The following SGCG variants were observed in gnomAD, a reference collection of about 807,000 sequenced individuals.
SGCG encodes the protein gamma-sarcoglycan.
Under a neutral mutation model 29.3 loss-of-function variants are expected in SGCG, and 26 were observed. That is an observed-to-expected ratio of 0.89 (90% confidence interval 0.65 to 1.23). SGCG has a LOEUF of 1.23. Among genes scored for constraint, SGCG ranks in the 50% most tolerant of loss-of-function variants. The pLI, the probability that SGCG is intolerant of heterozygous loss-of-function variation, is 0.00. For missense variants in SGCG, 353 were observed against 356.0 expected, an observed-to-expected ratio of 0.99 and a Z score of 0.07; for synonymous variants, 145 against 129.7, an observed-to-expected ratio of 1.12 and a Z score of -0.80.
intron 7 of SGCG, among the ~76,000 whole-genome samples, chr13:23,321,996 G>A (rs1566048632): frequency 6.6e-6 from 1 of 152,114 alleles, no homozygotes; most frequent in Non-Finnish European, 1.5e-5. Flanking sequence ...GAAAACCAAG[G>A]ATTTGGTTTA....
At chr13:23,189,825 T>C (rs1466264478) in intron 1 of SGCG, among the ~76,000 whole-genome samples, 1 of 152,100 alleles carries the variant, frequency 6.6e-6, no homozygotes, top group Non-Finnish European at 1.5e-5. Flanking sequence ...ATTAGAGAAA[T>C]AGGTTAAAGC....
chr13:23,295,422 AG>A lies in SGCG; in HGVS notation c.517del (p.Ala173LeufsTer22). ...TCTTTGTTTTTTGTTTAGGGCCTGA[AG>A]GGGCTCTTTTTGAACATTCAGTGGA... The part of the protein sequence containing the change: ...TDKLRVTGPE[G>X]ALFEHSVETP... On this transcript the variant is annotated frameshift_variant, in exon 6 of 8. Coordinates refer to ENST00000218867, the MANE Select transcript of SGCG (RefSeq NM_000231.3). LOFTEE classifies it high-confidence loss of function. The A allele has an allele frequency of 6.2e-7, 1 of 1,613,514 alleles. No individual in the cohort carries two copies. The highest frequency in any genetic ancestry group is 8.5e-7 in the Non-Finnish European group (1 of 1,179,464).
At chr13:23,291,677 CAT>C (rs1352964112) in intron 5 of SGCG, among the ~76,000 whole-genome samples, 9 of 152,290 alleles carry the variant, frequency 5.9e-5, no homozygotes, top group Middle Eastern at 3.4e-3. Flanking sequence ...TTACCATAAT[CAT>C]ATGTCAATAT....
In SGCG at chr13:23,290,456, C is replaced by T. The variant is rs1881657517; in HGVS notation, c.506-4959C>T. On this transcript the variant is annotated intron_variant, in intron 5 of 7. Coordinates refer to ENST00000218867, the MANE Select transcript of SGCG (RefSeq NM_000231.3). Reference sequence around the variant, plus strand: ...ATCGTTTTTCTGGTGTCAAGAGAGACTATTTTCTCAGAATTTGGACCCAGG... The same window carrying T: ...ATCGTTTTTCTGGTGTCAAGAGAGATTATTTTCTCAGAATTTGGACCCAGG... Among the ~76,000 whole-genome samples the T allele has an allele frequency of 1.3e-5, 2 of 152,156 alleles. 1 individual carries two copies. The highest frequency in any genetic ancestry group is 4.1e-4 in the South Asian group (2 of 4,836).
At position 23,310,285 on chromosome 13, in the gene SGCG, ACC is replaced by A. The variant is rs1882535898; in HGVS notation, c.579-10350_579-10349del. Among the ~76,000 whole-genome samples the A allele has an allele frequency of 3.3e-5, 5 of 151,280 alleles. 1 individual carries two copies. In the South Asian group the frequency reaches 1.0e-3, roughly 32 times the overall value. ...GTATTTTTAGTAGAGACGGGGTTTC[ACC>A]CTATTAGCCAGGGTGGTCTCGATCT... On this transcript the variant is annotated intron_variant, in intron 6 of 7. Transcript: ENST00000218867.
intron 6 of SGCG, among the ~76,000 whole-genome samples, chr13:23,316,152 T>C (rs1882801325): frequency 6.6e-6 from 1 of 152,198 alleles, no homozygotes; most frequent in Non-Finnish European, 1.5e-5. Flanking sequence ...GCCCTTGATA[T>C]GGCACCATCC....
chr13:23,168,451 T>A, the SGCG span, among the ~76,000 whole-genome samples: 1 of 152,134 alleles, frequency 6.6e-6, no homozygotes, highest in African/African-American at 2.4e-5. Context: ...CCTGGAACAG[T>A]GTTTGGCACC....
chr13:23,216,195 C>T (rs1391803648), intron 2 of SGCG, among the ~76,000 whole-genome samples: 1 of 152,114 alleles, frequency 6.6e-6, no homozygotes, highest in Admixed American at 6.5e-5. Flanking sequence ...TTCTCCAATA[C>T]TCTTTATTCA....
chr13:23,191,251 AT>A (rs1877235787), intron 1 of SGCG, among the ~76,000 whole-genome samples: 1 of 150,898 alleles, frequency 6.6e-6, no homozygotes, highest in Non-Finnish European at 1.5e-5. Context: ...TGGAAGTCTT[AT>A]TTTCAGAAAC....
At chr13:23,162,867 T>A in the SGCG span, among the ~76,000 whole-genome samples, 4 of 151,914 alleles carry the variant, frequency 2.6e-5, no homozygotes, top group Non-Finnish European at 4.4e-5. Context: ...ATAAATAATT[T>A]AAAAAATAAG....
At chr13:23,279,278 G>A (rs1881208982) in intron 4 of SGCG, 81 bp from the exon 5 acceptor site, 3 of 1,317,332 alleles carry the variant, frequency 2.3e-6, no homozygotes, top group Admixed American at 3.4e-5. Context: ...GTATTGTAGG[G>A]TTGACGTGGC....
chr13:23,164,889 A>C, the SGCG span, among the ~76,000 whole-genome samples: 1 of 151,996 alleles, frequency 6.6e-6, no homozygotes, highest in Non-Finnish European at 1.5e-5. Flanking sequence ...GACACCCTCC[A>C]TCTGGGCCAG....
At chr13:23,312,855 G>A (rs974328246) in intron 6 of SGCG, among the ~76,000 whole-genome samples, 1 of 151,768 alleles carries the variant, frequency 6.6e-6, no homozygotes, top group Non-Finnish European at 1.5e-5. Context: ...ACATGTATTA[G>A]GTAATACTAG....
intron 5 of SGCG, among the ~76,000 whole-genome samples, chr13:23,286,203 C>G (rs953047807): frequency 6.6e-6 from 1 of 152,210 alleles, no homozygotes; most frequent in African/African-American, 2.4e-5. Flanking sequence ...TCTGTAGCCA[C>G]TGGTCTCTCA....
In SGCG at chr13:23,308,813, G is replaced by T. The variant is rs574739838; in HGVS notation, c.579-11824G>T. Among the ~76,000 whole-genome samples, 63 of 152,208 alleles carry T rather than the reference G, an allele frequency of 4.1e-4. 1 individual carries two copies. The highest frequency in any genetic ancestry group is 1.0e-4 in the Non-Finnish European group (7 of 68,010). The stretch of plus-strand genomic sequence containing the variant: ...TCCTGACCTCAAGTGATTCACTCAC[G>T]TTGGCCTCCCAGAGTGCTGGGATTG... On this transcript the variant is annotated intron_variant, in intron 6 of 7. Coordinates refer to ENST00000218867, the MANE Select transcript of SGCG (RefSeq NM_000231.3).
At chr13:23,285,140 C>T (rs1020902890) in intron 5 of SGCG, among the ~76,000 whole-genome samples, 2 of 152,204 alleles carry the variant, frequency 1.3e-5, no homozygotes, top group Non-Finnish European at 2.9e-5. Context: ...AAGCGCTGTG[C>T]TGGGAGATCC....
chr13:23,214,450 A>C (rs1488399451), intron 2 of SGCG, among the ~76,000 whole-genome samples: 2 of 152,200 alleles, frequency 1.3e-5, no homozygotes. Context: ...AAGGAAGAGC[A>C]GTGCAGTATT....
At chr13:23,226,952 G>A (rs1485920439) in intron 2 of SGCG, among the ~76,000 whole-genome samples, 2 of 152,188 alleles carry the variant, frequency 1.3e-5, no homozygotes, top group East Asian at 3.8e-4. Context: ...GAGGCAGCTG[G>A]CAAATTTTAG....
chr13:23,302,581 A>G (rs1418597926), intron 6 of SGCG, among the ~76,000 whole-genome samples: 2 of 152,118 alleles, frequency 1.3e-5, no homozygotes, highest in Non-Finnish European at 2.9e-5. Flanking sequence ...TGATTTGATT[A>G]TTACATATTG....
Sources: allele counts gnomAD v4.1 joint callset (sites outside exome capture counted in the v4.1 genomes callset), GRCh38; gene constraint gnomAD v4.1.1; transcripts MANE v1.5; gene names NCBI Gene and HGNC (gene_info 2026-07-23, HGNC 2026-07-21).